DNAH11: variants seen among roughly 807,000 people sequenced by gnomAD.
The protein encoded by DNAH11 is axonemal beta dynein heavy chain 11.
Under a neutral mutation model 526.0 loss-of-function variants are expected in DNAH11, and 442 were observed. The ratio of observed to expected loss-of-function variants is 0.84; its 90% confidence interval spans 0.78 to 0.91. The LOEUF is 0.91. Ranked by LOEUF, DNAH11 falls within the 40% of genes least tolerant of loss-of-function variation. DNAH11 has a pLI of 0.00. For synonymous variants in DNAH11, 2,461 were observed against 1,935.9 expected, an observed-to-expected ratio of 1.27 and a Z score of -7.12; for missense variants, 6,989 against 5,448.7, an observed-to-expected ratio of 1.28 and a Z score of -8.90.
chr7:21,815,756 T>G (rs1789756445), intron 63 of DNAH11, among the ~76,000 whole-genome samples: 1 of 152,204 alleles, frequency 6.6e-6, no homozygotes, highest in Non-Finnish European at 1.5e-5. Context: ...TATACATTCT[T>G]TAATACAATT....
chr7:21,884,439 T>C (rs1379550506), intron 76 of DNAH11, 29 bp downstream of exon 76: 5 of 1,580,346 alleles, frequency 3.2e-6, no homozygotes, highest in African/African-American at 2.7e-5. Context: ...AATTTGTAAA[T>C]AAATTTCACT....
chr7:21,728,306 G>T lies in DNAH11; in HGVS notation c.7440+2322G>T, dbSNP rs1366473005. On this transcript the variant is annotated intron_variant, in intron 45 of 81. Coordinates refer to ENST00000409508, the MANE Select transcript of DNAH11 (RefSeq NM_001277115.2). ...AGAGTCTTACTCTGTTGCCCAGGCTGGAGTGCAGTGGTGCAATCTTGGCTC... is the reference window on the plus strand; with the variant it reads ...AGAGTCTTACTCTGTTGCCCAGGCTTGAGTGCAGTGGTGCAATCTTGGCTC... 5.8e-5 allele frequency among the ~76,000 whole-genome samples: 7 copies of T among 121,692 alleles called. No homozygotes were observed. The South Asian group carries it at 1.6e-3, about 28-fold the overall frequency. 79.8% of individuals were successfully genotyped at this position (121,692 alleles called of 152,430 possible). A position where few individuals can be genotyped will look rare whatever the true frequency, so the allele number is the denominator to read the frequency against.
intron 57 of DNAH11, among the ~76,000 whole-genome samples, chr7:21,781,552 AGAGGCGCCTTCTAAATT>A (rs1159179999): frequency 6.6e-6 from 1 of 152,228 alleles, no homozygotes; most frequent in African/African-American, 2.4e-5. Context: ...CTTTATGAGT[AGAGGCGCCTTCTAAATT>A]GAAGCGCTAA....
chr7:21,762,603 G>A (rs551765072), intron 54 of DNAH11, among the ~76,000 whole-genome samples: 1 of 152,120 alleles, frequency 6.6e-6, no homozygotes, highest in Non-Finnish European at 1.5e-5. Flanking sequence ...TGTTAAGTTA[G>A]CACATGAAAT....
chr7:21,572,470 G>T (rs1201043935), intron 8 of DNAH11, among the ~76,000 whole-genome samples: 2 of 152,146 alleles, frequency 1.3e-5, no homozygotes, highest in African/African-American at 4.8e-5. Flanking sequence ...GAACCTTTCT[G>T]ATTTAAGCTG....
chr7:21,833,810 C>T (rs936406494), intron 65 of DNAH11, among the ~76,000 whole-genome samples: 5 of 152,130 alleles, frequency 3.3e-5, no homozygotes, highest in Non-Finnish European at 5.9e-5. Context: ...ATGTTGGTAT[C>T]TCTTATGTGT....
intron 44 of DNAH11, among the ~76,000 whole-genome samples, chr7:21,724,571 G>T (rs565915515): frequency 6.7e-6 from 1 of 149,838 alleles, no homozygotes; most frequent in South Asian, 2.1e-4. Flanking sequence ...TCATGCTATG[G>T]ATATAGGAGT....
intron 74 of DNAH11, among the ~76,000 whole-genome samples, chr7:21,880,327 G>T (rs1007738887): frequency 1.3e-5 from 2 of 152,122 alleles, no homozygotes; most frequent in Non-Finnish European, 2.9e-5. Flanking sequence ...TCTCCCAACC[G>T]TAATAGCATT....
intron 50 of DNAH11, 94 bp from the exon 51 acceptor site, chr7:21,744,776 G>A (rs1313387445): frequency 6.8e-7 from 1 of 1,472,284 alleles, no homozygotes; most frequent in African/African-American, 1.4e-5. Flanking sequence ...CCATGTGTGG[G>A]TCTGCAAGCT....
At chr7:21,629,592 T>G (rs1173950662) in intron 25 of DNAH11, among the ~76,000 whole-genome samples, 1 of 152,078 alleles carries the variant, frequency 6.6e-6, no homozygotes, top group Non-Finnish European at 1.5e-5. Context: ...TACCTGGGAG[T>G]TTAGGTGTTG....
At chr7:21,599,461 C>T (rs1784987487) in intron 14 of DNAH11, among the ~76,000 whole-genome samples, 1 of 152,182 alleles carries the variant, frequency 6.6e-6, no homozygotes, top group South Asian at 2.1e-4. Context: ...GAGTTAGTGA[C>T]AGAGCAAAAA....
chr7:21,724,071 G>T (rs191397834), intron 44 of DNAH11, among the ~76,000 whole-genome samples: 1 of 152,274 alleles, frequency 6.6e-6, no homozygotes, highest in African/African-American at 2.4e-5. Context: ...CGTTTTAGTT[G>T]AATTAATTAA....
At chr7:21,753,665 T>TC (rs1786506915) in intron 54 of DNAH11, among the ~76,000 whole-genome samples, 1 of 152,238 alleles carries the variant, frequency 6.6e-6, no homozygotes, top group African/African-American at 2.4e-5. Context: ...CTAAATTCTC[T>TC]GTTCTCTTTT....
intron 28 of DNAH11, among the ~76,000 whole-genome samples, chr7:21,644,985 C>G (rs759787944): frequency 6.6e-6 from 1 of 152,076 alleles, no homozygotes; most frequent in Non-Finnish European, 1.5e-5. Flanking sequence ...ACAATTTTTT[C>G]TTCATTTTGC....
At chr7:21,790,780 T>A (rs1405430684) in intron 61 of DNAH11, among the ~76,000 whole-genome samples, 2 of 152,158 alleles carry the variant, frequency 1.3e-5, no homozygotes, top group African/African-American at 2.4e-5. Context: ...CTGCAATGAA[T>A]GTTTTGGCGA....
chr7:21,868,832 A>G, intron 72 of DNAH11, 32 bp from the exon 73 acceptor site: 1 of 1,613,546 alleles, frequency 6.2e-7, no homozygotes, highest in Non-Finnish European at 8.5e-7. Context: ...CTTCATAGAC[A>G]TTTCCTCTCA....
intron 5 of DNAH11, 145 bp from the exon 6 acceptor site, chr7:21,564,041 G>T: frequency 1.9e-6 from 1 of 539,060 alleles, no homozygotes; most frequent in Non-Finnish European, 3.1e-6. Flanking sequence ...TGTGTAGATT[G>T]TAGGATAAGT....
At chr7:21,583,433 T>TAATTC (rs1784381731) in intron 9 of DNAH11, among the ~76,000 whole-genome samples, 1 of 151,012 alleles carries the variant, frequency 6.6e-6, no homozygotes, top group Non-Finnish European at 1.5e-5. Flanking sequence ...ATAGAAAAAT[T>TAATTC]AAGATGGATT....
At chr7:21,629,279 G>A (rs751496704) in intron 25 of DNAH11, among the ~76,000 whole-genome samples, 1 of 152,092 alleles carries the variant, frequency 6.6e-6, no homozygotes, top group African/African-American at 2.4e-5. Flanking sequence ...TACTCGATAT[G>A]ATTTCTACTT....
Sources: gnomAD v4.1 joint callset for allele counts (sites outside exome capture counted in the v4.1 genomes callset) on GRCh38, gnomAD v4.1.1 for gene constraint, MANE v1.5 for transcripts, NCBI Gene and HGNC (gene_info 2026-07-23, HGNC 2026-07-21) for gene names.